Variants in IL1RAPL2 observed in about 807,000 individuals in gnomAD.
IL1RAPL2 encodes X-linked interleukin-1 receptor accessory protein-like 2.
In IL1RAPL2, 3 loss-of-function variants were observed where a neutral mutation model predicts 44.1. The ratio of observed to expected loss-of-function variants is 0.07; its 90% confidence interval spans 0.03 to 0.18. The LOEUF is 0.18. Among genes scored for constraint, IL1RAPL2 ranks in the 10% least tolerant of loss-of-function variants. The probability of loss-of-function intolerance (pLI) is 1.00; values close to 1 mark genes in which losing one functional copy is unlikely to be tolerated. For missense variants in IL1RAPL2, 391 were observed against 496.4 expected, an observed-to-expected ratio of 0.79 and a Z score of 2.02; for synonymous variants, 181 against 178.8, an observed-to-expected ratio of 1.01 and a Z score of -0.10.
chrX:105,761,218 TATAC>T (rs1273284995), intron 10 of IL1RAPL2, among the ~76,000 whole-genome samples: 2 of 83,235 alleles, frequency 2.4e-5, no homozygotes, highest in Non-Finnish European at 4.4e-5. Context: ...AAACTCTTCC[TATAC>T]ACACACACAC....
intron 3 of IL1RAPL2, among the ~76,000 whole-genome samples, chrX:105,212,262 G>A (rs782172526): frequency 3.4e-4 from 38 of 112,175 alleles, no homozygotes; most frequent in African/African-American, 1.2e-3. Flanking sequence ...AACCTGGGAT[G>A]GTCAAGCTTT....
intron 2 of IL1RAPL2, among the ~76,000 whole-genome samples, chrX:104,975,155 G>A (rs908706227): frequency 2.7e-5 from 3 of 110,871 alleles, no homozygotes; most frequent in African/African-American, 6.6e-5. Context: ...GCTGCTTTTT[G>A]TAGCTCCTTC....
intron 5 of IL1RAPL2, among the ~76,000 whole-genome samples, chrX:105,307,078 A>G (rs1350611340): frequency 9.2e-6 from 1 of 109,043 alleles, no homozygotes; most frequent in Non-Finnish European, 1.9e-5. Flanking sequence ...AAAAAAAACT[A>G]CAATTTATAA....
intron 2 of IL1RAPL2, among the ~76,000 whole-genome samples, chrX:104,798,718 A>G (rs1199673614): frequency 1.8e-5 from 2 of 110,752 alleles, no homozygotes; most frequent in Non-Finnish European, 3.8e-5. Flanking sequence ...TTTCAAGCCC[A>G]TTTCCATCTT....
intron 3 of IL1RAPL2, among the ~76,000 whole-genome samples, chrX:105,220,895 T>C (rs2033956192): frequency 9.0e-6 from 1 of 111,534 alleles, no homozygotes; most frequent in Non-Finnish European, 1.9e-5. Flanking sequence ...ATTAAGCCCT[T>C]ATAATCAAGT....
chrX:105,221,422 AAAAAG>A (rs2033962774), intron 3 of IL1RAPL2, among the ~76,000 whole-genome samples: 2 of 111,275 alleles, frequency 1.8e-5, no homozygotes, highest in South Asian at 7.6e-4. Context: ...AAAAAAAAAA[AAAAAG>A]AAAAACGAGT....
chrX:105,534,065 C>A (rs1280700022), intron 6 of IL1RAPL2, among the ~76,000 whole-genome samples: 2 of 111,638 alleles, frequency 1.8e-5, no homozygotes, highest in Non-Finnish European at 3.8e-5. Flanking sequence ...CAAAGATATA[C>A]CTTCAAAGTA....
At chrX:104,826,946 T>G (rs1921467712) in intron 2 of IL1RAPL2, among the ~76,000 whole-genome samples, 1 of 93,955 alleles carries the variant, frequency 1.1e-5, no homozygotes, top group Non-Finnish European at 2.1e-5. Context: ...TGCTTTTTTT[T>G]TTTTTTTTTT....
chrX:105,032,027 G>A (rs1414965141), intron 2 of IL1RAPL2, among the ~76,000 whole-genome samples: 1 of 111,607 alleles, frequency 9.0e-6, no homozygotes, highest in Non-Finnish European at 1.9e-5. Flanking sequence ...GGTGTTTGTA[G>A]TATTCTCTGA....
rs192705586 is a variant in IL1RAPL2 at position 105,285,345 on chromosome X, C to A, written c.697+17804C>A. ...AATAGCCAATGTCTTTTTTTGGAGC[C>A]CCTGCAAGAGAAAGCATAAGTTTAT... On this transcript the variant is annotated intron_variant, in intron 5 of 10. Coordinates refer to ENST00000372582, the MANE Select transcript of IL1RAPL2 (RefSeq NM_017416.2). 2.7e-4 allele frequency among the ~76,000 whole-genome samples: 30 copies of A among 111,171 alleles called. 1 individual carries two copies. Among genetic ancestry groups the A allele is most frequent in the Admixed American group, 2.9e-4 (3 of 10,411 alleles).
chrX:105,136,698 T>A (rs995408114), intron 2 of IL1RAPL2, among the ~76,000 whole-genome samples: 1 of 112,432 alleles, frequency 8.9e-6, no homozygotes, highest in Non-Finnish European at 1.9e-5. Context: ...CAACAAACTT[T>A]CCCATTGTCT....
At chrX:105,529,608 A>G (rs1187725522) in intron 6 of IL1RAPL2, among the ~76,000 whole-genome samples, 1 of 111,646 alleles carries the variant, frequency 9.0e-6, no homozygotes. Flanking sequence ...CATTTTAACC[A>G]TTTTAAGTAT....
chrX:104,708,959 C>T (rs1931406794), intron 2 of IL1RAPL2, among the ~76,000 whole-genome samples: 1 of 111,220 alleles, frequency 9.0e-6, no homozygotes, highest in Non-Finnish European at 1.9e-5. Context: ...ATATCTGCTA[C>T]TGAAAATTAA....
intron 5 of IL1RAPL2, among the ~76,000 whole-genome samples, chrX:105,335,569 C>G (rs1054480209): frequency 3.6e-5 from 4 of 111,143 alleles, no homozygotes; most frequent in Non-Finnish European, 7.5e-5. Flanking sequence ...AGGCCCAGGA[C>G]AGAGATTTTA....
intron 2 of IL1RAPL2, among the ~76,000 whole-genome samples, chrX:104,806,231 C>T (rs1272673760): frequency 1.8e-5 from 2 of 112,262 alleles, no homozygotes; most frequent in African/African-American, 6.5e-5. Context: ...TCTGTTTAAG[C>T]TTTAAGGTGA....
chrX:104,966,487 C>G (rs751446427), intron 2 of IL1RAPL2, among the ~76,000 whole-genome samples: 2 of 111,184 alleles, frequency 1.8e-5, no homozygotes, highest in South Asian at 3.8e-4. Context: ...AAGAAGCATA[C>G]TAGGAAAAAA....
At chrX:105,179,084 G>A (rs1193614698) in intron 2 of IL1RAPL2, among the ~76,000 whole-genome samples, 2 of 111,772 alleles carry the variant, frequency 1.8e-5, no homozygotes, top group African/African-American at 6.5e-5. Flanking sequence ...TAATGCCCAG[G>A]AGAGTTTTCC....
intron 5 of IL1RAPL2, among the ~76,000 whole-genome samples, chrX:105,280,675 T>C (rs898245818): frequency 6.4e-4 from 71 of 111,504 alleles, no homozygotes; most frequent in African/African-American, 2.2e-3. Flanking sequence ...TATGAAGAAA[T>C]GTTCATCGTC....
chrX:104,662,037 CAGAG>C (rs1300252430), intron 2 of IL1RAPL2, among the ~76,000 whole-genome samples: 3 of 112,215 alleles, frequency 2.7e-5, no homozygotes. Context: ...ATGCACAAGA[CAGAG>C]AGAGGACCAA....
Sources: gnomAD v4.1 joint callset for allele counts (sites outside exome capture counted in the v4.1 genomes callset) on GRCh38, gnomAD v4.1.1 for gene constraint, MANE v1.5 for transcripts, NCBI Gene and HGNC (gene_info 2026-07-23, HGNC 2026-07-21) for gene names.